The following DHDDS variants were observed in gnomAD, a reference collection of about 807,000 sequenced individuals.
The protein encoded by DHDDS is dehydrodolichyl diphosphate synthase complex subunit DHDDS.
DHDDS carries 16 observed loss-of-function variants against 46.2 expected under a neutral mutation model. That is an observed-to-expected ratio of 0.35 (90% CI 0.23 to 0.53). The LOEUF (loss-of-function observed/expected upper bound fraction) is 0.53, where lower values mean the gene tolerates loss of function less well. Among genes scored for constraint, DHDDS ranks in the 20% least tolerant of loss-of-function variants. The probability of loss-of-function intolerance (pLI) is 0.94; values close to 1 mark genes in which losing one functional copy is unlikely to be tolerated. For missense variants in DHDDS, 340 were observed against 423.7 expected (o/e 0.80, Z 1.73); for synonymous variants, 151 against 163.1 (o/e 0.93, Z 0.56).
chr1:26,440,830 C>G (rs759470659), intron 3 of DHDDS, among the ~76,000 whole-genome samples: 1 of 152,242 alleles, frequency 6.6e-6, no homozygotes, highest in African/African-American at 2.4e-5. Context: ...TTTAACCTCC[C>G]GCTCTCCATC....
At position 26,454,331 on chromosome 1, in the gene DHDDS, T is replaced by C. The variant is rs113204610; in HGVS notation, c.543-3460T>C. Among the ~76,000 whole-genome samples, 285 of 152,198 alleles carry C rather than the reference T, an allele frequency of 1.9e-3. 1 individual carries two copies. The highest frequency in any genetic ancestry group is 5.1e-3 in the African/African-American group (210 of 41,534). On this transcript the variant is annotated intron_variant, in intron 6 of 8. Coordinates refer to ENST00000236342, the MANE Select transcript of DHDDS (RefSeq NM_205861.3). ...ACTGGCACAATATCAGCTTTTTCCA[T>C]TAAGAATTCTGCCCACTGCAGAATT...
At position 26,447,572 on chromosome 1, in the gene DHDDS, G is replaced by A. The variant is rs1221817690; in HGVS notation, c.454G>A (p.Val152Ile). The A allele has an allele frequency of 1.2e-6, 2 of 1,614,138 alleles. No homozygotes were observed. Among genetic ancestry groups the A allele is most frequent in the South Asian group, 1.1e-5 (1 of 91,082 alleles). ...TTCCCTCCTCAGGTGTTTCCTGAAT[G>A]TCTGTTTTGCATACACATCCCGTCA... is the stretch of plus-strand genomic sequence containing the variant. ...TKNYNKCFLN[V>I]CFAYTSRHEI... is the part of the protein sequence containing the mutation. The change falls in exon 6 of 9, where the codon GTC (valine) becomes ATC (isoleucine). Residue 152 changes from valine (V) to isoleucine (I), a missense_variant. By Grantham distance (29) the Val-to-Ile change is conservative. Transcript: ENST00000236342.
intron 8 of DHDDS, among the ~76,000 whole-genome samples, chr1:26,463,185 G>A (rs1037728440): frequency 3.3e-5 from 5 of 152,216 alleles, no homozygotes; most frequent in African/African-American, 1.2e-4. Context: ...ACGGGCTGGA[G>A]TTAAAGCCAA....
chr1:26,465,029 AT>A (rs1269360702), intron 8 of DHDDS, among the ~76,000 whole-genome samples: 1 of 152,188 alleles, frequency 6.6e-6, no homozygotes, highest in Non-Finnish European at 1.5e-5. Flanking sequence ...GATCTTGACT[AT>A]GATGCAGTAG....
At chr1:26,452,602 C>T (rs1401136476) in intron 6 of DHDDS, among the ~76,000 whole-genome samples, 1 of 152,012 alleles carries the variant, frequency 6.6e-6, no homozygotes, top group African/African-American at 2.4e-5. Context: ...ATCCTTAGAC[C>T]CTATAAGGTA....
intron 4 of DHDDS, among the ~76,000 whole-genome samples, chr1:26,445,897 C>T (rs1030000829): frequency 5.3e-5 from 8 of 151,742 alleles, no homozygotes; most frequent in Non-Finnish European, 1.0e-4. Flanking sequence ...GTGGTGGGCA[C>T]CTGTAATCCC....
intron 3 of DHDDS, among the ~76,000 whole-genome samples, chr1:26,442,089 T>C (rs1409679541): frequency 1.3e-5 from 2 of 152,208 alleles, no homozygotes; most frequent in Admixed American, 6.5e-5. Flanking sequence ...TTGAGGATTT[T>C]TGACATATTC....
intron 2 of DHDDS, among the ~76,000 whole-genome samples, chr1:26,435,614 T>C (rs2075146611): frequency 6.6e-6 from 1 of 151,414 alleles, no homozygotes; most frequent in Admixed American, 6.6e-5. Context: ...ATTTTTGTTT[T>C]TGTTTTTTTC....
chr1:26,465,238 A>G (rs928875921), intron 8 of DHDDS, among the ~76,000 whole-genome samples: 1 of 152,230 alleles, frequency 6.6e-6, no homozygotes. Context: ...TGTTCCCACG[A>G]AGCTTCCTGT....
chr1:26,448,917 G>A (rs1212336711), intron 6 of DHDDS, among the ~76,000 whole-genome samples: 1 of 151,968 alleles, frequency 6.6e-6, no homozygotes, highest in African/African-American at 2.4e-5. Flanking sequence ...GATTGACCTA[G>A]GAAACTAGAT....
Position 26,432,880 on chromosome 1 carries a change from GT to G in DHDDS, c.-55-8del, listed in dbSNP as rs1332165909. 6.4e-7 allele frequency: 1 copy of G among 1,571,284 alleles called. No individual in the cohort carries two copies. The highest frequency in any genetic ancestry group is 8.8e-7 in the Non-Finnish European group (1 of 1,141,284). On this transcript the variant is annotated splice_polypyrimidine_tract_variant and intron_variant, in intron 1 of 8. Coordinates refer to ENST00000236342, the MANE Select transcript of DHDDS (RefSeq NM_205861.3). Reference sequence around the variant, plus strand: ...TTGGTGACTTCTTATTTTCTTTCTTGTTTATCCAAGATTACCTGGCTGGTGT... The same window carrying G: ...TTGGTGACTTCTTATTTTCTTTCTTGTTATCCAAGATTACCTGGCTGGTGT...
At chr1:26,454,913 A>G in intron 6 of DHDDS, 1 of 1,601,164 alleles carries the variant, frequency 6.2e-7, no homozygotes, top group Non-Finnish European at 8.5e-7. Context: ...AAGCATGTGC[A>G]GCAAAAATTC....
chr1:26,452,696 C>A (rs767517319), intron 6 of DHDDS, among the ~76,000 whole-genome samples: 6 of 152,160 alleles, frequency 3.9e-5, no homozygotes, highest in Non-Finnish European at 8.8e-5. Flanking sequence ...ACATAGTTGG[C>A]AAACCTGGGG....
intron 2 of DHDDS, among the ~76,000 whole-genome samples, chr1:26,435,830 G>C (rs1210479218): frequency 6.6e-6 from 1 of 151,986 alleles, no homozygotes; most frequent in East Asian, 1.9e-4. Flanking sequence ...GGCCAGCCTG[G>C]TCTTGAATTC....
chr1:26,446,765 C>T (rs2075273489), intron 5 of DHDDS, among the ~76,000 whole-genome samples: 1 of 152,106 alleles, frequency 6.6e-6, no homozygotes, highest in Non-Finnish European at 1.5e-5. Context: ...TTATCCCTGA[C>T]TTTGAAGACA....
chr1:26,441,917 T>C (rs1553121484), intron 3 of DHDDS, among the ~76,000 whole-genome samples: 1 of 146,230 alleles, frequency 6.8e-6, no homozygotes, highest in Non-Finnish European at 1.5e-5. Context: ...AAAAAAAAGA[T>C]GTAGGACATT....
chr1:26,438,745 A>T (rs1021291518), intron 3 of DHDDS: 5 of 176,650 alleles, frequency 2.8e-5, no homozygotes, highest in Admixed American at 2.2e-4. Flanking sequence ...AATGACATTA[A>T]CAAAGAAGTA....
intron 8 of DHDDS, among the ~76,000 whole-genome samples, chr1:26,465,353 G>GT (rs2075473428): frequency 1.3e-5 from 2 of 152,144 alleles, no homozygotes; most frequent in African/African-American, 4.8e-5. Flanking sequence ...AGTTATGTAT[G>GT]TATGCATATA....
chr1:26,453,179 C>T (rs2075337996), intron 6 of DHDDS, among the ~76,000 whole-genome samples: 1 of 152,122 alleles, frequency 6.6e-6, no homozygotes, highest in African/African-American at 2.4e-5. Context: ...ATAGTTTACA[C>T]TCTGAATCAT....
Sources: gnomAD v4.1 joint callset for allele counts (sites outside exome capture counted in the v4.1 genomes callset) on GRCh38, gnomAD v4.1.1 for gene constraint, MANE v1.5 for transcripts, NCBI Gene and HGNC (gene_info 2026-07-23, HGNC 2026-07-21) for gene names.